Variants in LRRC4C observed in about 807,000 individuals in gnomAD.
LRRC4C encodes leucine-rich repeat-containing protein 4C.
Under a neutral mutation model 33.6 loss-of-function variants are expected in LRRC4C, and 5 were observed. That is an observed-to-expected ratio of 0.15 (90% confidence interval 0.08 to 0.31). The LOEUF (loss-of-function observed/expected upper bound fraction) is 0.31, where lower values mean the gene tolerates loss of function less well. Ranked by LOEUF, LRRC4C falls within the 10% of genes least tolerant of loss-of-function variation. The pLI, the probability that LRRC4C is intolerant of heterozygous loss-of-function variation, is 1.00. For missense variants in LRRC4C, 560 were observed against 796.7 expected (o/e 0.70, Z 3.58); for synonymous variants, 329 against 302.0 (o/e 1.09, Z -0.93).
chr11:40,202,712 A>T (rs917110583), intron 5 of LRRC4C, among the ~76,000 whole-genome samples: 5 of 152,128 alleles, frequency 3.3e-5, no homozygotes, highest in African/African-American at 1.2e-4. Context: ...TCAGCTGAGG[A>T]GCAATCTCAA....
intron 5 of LRRC4C, among the ~76,000 whole-genome samples, chr11:40,160,369 G>A (rs1222751242): frequency 1.3e-5 from 2 of 152,096 alleles, no homozygotes; most frequent in Non-Finnish European, 2.9e-5. Context: ...GAAGGATCCG[G>A]TACCTCATCA....
intron 6 of LRRC4C, among the ~76,000 whole-genome samples, chr11:40,132,756 A>G (rs1713624997): frequency 6.6e-6 from 1 of 152,168 alleles, no homozygotes; most frequent in Admixed American, 6.5e-5. Flanking sequence ...TCCTCCCTCA[A>G]TAAACAAATC....
Position 41,303,503 on chromosome 11 carries a change from C to T in LRRC4C, c.-496+155928G>A, listed in dbSNP as rs1170922833. Among the ~76,000 whole-genome samples, 4 of 128,242 alleles carry T rather than the reference C, an allele frequency of 3.1e-5. No homozygotes were observed. In the Admixed American group the frequency reaches 3.6e-4, roughly 12 times the overall value. 84.1% of individuals were successfully genotyped at this position (128,242 alleles called of 152,430 possible). A position where few individuals can be genotyped will look rare whatever the true frequency, so the allele number is the denominator to read the frequency against. On this transcript the variant is annotated intron_variant, in intron 1 of 6. Coordinates refer to ENST00000528697, the MANE Select transcript of LRRC4C (RefSeq NM_001258419.2). ...GCCGAGATTGCAGCCTCTGCCCGGC[C>T]GCCACCCCATCTGGGAAGTGAGGAG...
chr11:41,392,824 A>C (rs1462161370), intron 1 of LRRC4C, among the ~76,000 whole-genome samples: 1 of 151,834 alleles, frequency 6.6e-6, no homozygotes, highest in African/African-American at 2.4e-5. Flanking sequence ...GCCCAGAGGA[A>C]GCAGGAAGGA....
At chr11:40,205,171 G>A (rs1273582796) in intron 5 of LRRC4C, among the ~76,000 whole-genome samples, 8 of 152,186 alleles carry the variant, frequency 5.3e-5, no homozygotes, top group Admixed American at 5.2e-4. Context: ...ATCTCCCTAA[G>A]GGAGTGCCTG....
intron 1 of LRRC4C, among the ~76,000 whole-genome samples, chr11:41,381,580 T>A (rs1020804640): frequency 6.6e-6 from 1 of 151,324 alleles, no homozygotes; most frequent in Admixed American, 6.6e-5. Flanking sequence ...TGAGCCAAGA[T>A]TGCGCCACTG....
intron 3 of LRRC4C, among the ~76,000 whole-genome samples, chr11:40,417,774 C>T (rs1590670569): frequency 1.3e-5 from 2 of 152,138 alleles, no homozygotes; most frequent in African/African-American, 2.4e-5. Flanking sequence ...GAAGAAGCCT[C>T]CTCCTAAAAT....
intron 1 of LRRC4C, among the ~76,000 whole-genome samples, chr11:41,264,011 T>G (rs1375773145): frequency 6.6e-6 from 1 of 152,098 alleles, no homozygotes; most frequent in East Asian, 1.9e-4. Flanking sequence ...ACTTGATACT[T>G]CTAATTTATC....
At chr11:41,172,284 A>G (rs1945009248) in intron 1 of LRRC4C, among the ~76,000 whole-genome samples, 1 of 152,190 alleles carries the variant, frequency 6.6e-6, no homozygotes, top group Non-Finnish European at 1.5e-5. Flanking sequence ...AATTGCTGCC[A>G]CATCTTAAAT....
intron 1 of LRRC4C, among the ~76,000 whole-genome samples, chr11:41,168,976 G>A (rs1944852188): frequency 6.6e-6 from 1 of 152,112 alleles, no homozygotes; most frequent in Non-Finnish European, 1.5e-5. Flanking sequence ...TTCTTCGCAA[G>A]GAGATTGTGA....
intron 1 of LRRC4C, among the ~76,000 whole-genome samples, chr11:41,044,997 T>G (rs1565330834): frequency 1.3e-5 from 2 of 152,210 alleles, no homozygotes; most frequent in East Asian, 3.9e-4. Context: ...TCATTAACAT[T>G]CATTTATCTT....
chr11:41,371,549 G>A (rs1220343575), intron 1 of LRRC4C, among the ~76,000 whole-genome samples: 3 of 152,066 alleles, frequency 2.0e-5, no homozygotes, highest in Non-Finnish European at 2.9e-5. Flanking sequence ...ACAACCTAAC[G>A]AAAAAGAAAG....
chr11:41,323,420 G>A (rs1405195387), intron 1 of LRRC4C, among the ~76,000 whole-genome samples: 4 of 152,124 alleles, frequency 2.6e-5, no homozygotes, highest in African/African-American at 9.7e-5. Flanking sequence ...AAAGTTACAG[G>A]AAGAAAGGAA....
chr11:40,620,058 GAAA>G (rs11344920), intron 3 of LRRC4C, among the ~76,000 whole-genome samples: 8 of 133,646 alleles, frequency 6.0e-5, no homozygotes, highest in Middle Eastern at 3.8e-3. Context: ...AAAAATACCT[GAAA>G]AAAAAAAAAA....
rs190563313 is a variant in LRRC4C at position 40,779,433 on chromosome 11, T to C, written c.-406-131155A>G. ...CATTTCACTTGCATAACTTACATAA[T>C]ATATTGATTAATTGAAATATAAATC... On this transcript the variant is annotated intron_variant, in intron 2 of 6. Coordinates refer to ENST00000528697, the MANE Select transcript of LRRC4C (RefSeq NM_001258419.2). Among the ~76,000 whole-genome samples the C allele has an allele frequency of 1.2e-4, 19 of 152,284 alleles. No homozygotes were observed. The East Asian group carries it at 2.9e-3, about 23-fold the overall frequency.
At chr11:40,709,825 C>T (rs576352826) in intron 2 of LRRC4C, among the ~76,000 whole-genome samples, 1 of 152,146 alleles carries the variant, frequency 6.6e-6, no homozygotes, top group Non-Finnish European at 1.5e-5. Flanking sequence ...TCAGGTACAC[C>T]AATCAAATGT....
rs1237324787 is a variant in LRRC4C at position 41,034,606 on chromosome 11, CGTAT to C, written c.-495-100887_-495-100884del. On this transcript the variant is annotated intron_variant, in intron 1 of 6. Coordinates refer to ENST00000528697, the MANE Select transcript of LRRC4C (RefSeq NM_001258419.2). ...TTGTTTTTCTAAAAAAATATGGTGA[CGTAT>C]ATATATATATATATATATATATATA... Among the ~76,000 whole-genome samples the C allele has an allele frequency of 5.4e-3, 585 of 108,454 alleles. 5 individuals carry two copies. Among genetic ancestry groups the C allele is most frequent in the African/African-American group, 0.016 (407 of 25,292 alleles). 71.2% of individuals were successfully genotyped at this position (108,454 alleles called of 152,430 possible).
In LRRC4C at chr11:40,628,391, C is replaced by T. The variant is rs191568824; in HGVS notation, c.-270+19751G>A. 1.5e-3 allele frequency among the ~76,000 whole-genome samples: 225 copies of T among 151,980 alleles called. 1 individual carries two copies. The highest frequency in any genetic ancestry group is 5.2e-3 in the African/African-American group (216 of 41,460). ...TACTCGGGAGGCTGAGGCAGGAGAA[C>T]GGCGTGAACCCGGGAGGCAGAGCTT... is the stretch of plus-strand genomic sequence containing the variant. On this transcript the variant is annotated intron_variant, in intron 3 of 6. Transcript: ENST00000528697.
chr11:40,338,414 A>G (rs1590362115), intron 3 of LRRC4C, among the ~76,000 whole-genome samples: 1 of 152,326 alleles, frequency 6.6e-6, no homozygotes, highest in Non-Finnish European at 1.5e-5. Context: ...TATTTATCAA[A>G]CTTAATTGAC....
Sources: allele counts gnomAD v4.1 joint callset (sites outside exome capture counted in the v4.1 genomes callset), GRCh38; gene constraint gnomAD v4.1.1; transcripts MANE v1.5; gene names NCBI Gene and HGNC (gene_info 2026-07-23, HGNC 2026-07-21).